Variants in ZNF532 observed in about 807,000 individuals in gnomAD.
ZNF532 encodes the protein zinc finger protein 532.
In ZNF532, 22 loss-of-function variants were observed where a neutral mutation model predicts 89.3. That is an observed-to-expected ratio of 0.25 (90% CI 0.18 to 0.35). The LOEUF (loss-of-function observed/expected upper bound fraction) is 0.35. Ranked by LOEUF, ZNF532 falls within the 10% of genes least tolerant of loss-of-function variation. The pLI, the probability that ZNF532 is intolerant of heterozygous loss-of-function variation, is 1.00. For synonymous variants in ZNF532, 606 were observed against 649.6 expected (o/e 0.93, Z 1.02); for missense variants, 1,132 against 1,643.4 (o/e 0.69, Z 5.38).
At chr18:58,931,122 T>G (rs1603209806) in intron 3 of ZNF532, among the ~76,000 whole-genome samples, 1 of 152,162 alleles carries the variant, frequency 6.6e-6, no homozygotes, top group Admixed American at 6.6e-5. Flanking sequence ...CCGAAAACAT[T>G]TATCCATTTT....
At chr18:58,897,681 G>A (rs188788547) in intron 2 of ZNF532, among the ~76,000 whole-genome samples, 2 of 152,268 alleles carry the variant, frequency 1.3e-5, no homozygotes, top group Admixed American at 6.5e-5. Context: ...GGCTGGGCGC[G>A]GTGGCTCACA....
In ZNF532 at chr18:58,962,187, C is replaced by T. The variant is rs1450597226; in HGVS notation, c.3150+8388C>T. Among the ~76,000 whole-genome samples, 3 of 151,828 alleles carry T rather than the reference C, an allele frequency of 2.0e-5. No individual in the cohort carries two copies. The East Asian group carries it at 5.8e-4, about 29-fold the overall frequency. ...GTTGCGGTGAGCCGAGATTACGCCACTGCGCTCCAGCCTGGATGACAGAGC... is the reference window on the plus strand; with the variant it reads ...GTTGCGGTGAGCCGAGATTACGCCATTGCGCTCCAGCCTGGATGACAGAGC... On this transcript the variant is annotated intron_variant, in intron 7 of 9. Coordinates refer to ENST00000591808, the MANE Select transcript of ZNF532 (RefSeq NM_001375912.1).
chr18:58,899,567 C>G (rs1402484839), intron 2 of ZNF532, among the ~76,000 whole-genome samples: 1 of 152,140 alleles, frequency 6.6e-6, no homozygotes, highest in Non-Finnish European at 1.5e-5. Flanking sequence ...CTCCCGGGTT[C>G]AAGCGATTCT....
At chr18:58,890,091 A>C (rs1236760620) in intron 2 of ZNF532, among the ~76,000 whole-genome samples, 1 of 151,384 alleles carries the variant, frequency 6.6e-6, no homozygotes, top group Non-Finnish European at 1.5e-5. Context: ...AAAAAGAAAA[A>C]AAAAAATTAG....
chr18:58,963,771 G>A (rs1233135091), intron 7 of ZNF532, among the ~76,000 whole-genome samples: 2 of 145,756 alleles, frequency 1.4e-5, no homozygotes, highest in Non-Finnish European at 3.0e-5. Context: ...GCAGTGAGCC[G>A]CAGTCGTGTC....
chr18:58,888,785 A>ATATATAT (rs1568246462), intron 2 of ZNF532, among the ~76,000 whole-genome samples: 1,312 of 42,944 alleles, frequency 0.031, 102 homozygotes, highest in South Asian at 0.044. Flanking sequence ...ATATATATAT[A>ATATATAT]AAATATATAT....
intron 7 of ZNF532, among the ~76,000 whole-genome samples, chr18:58,964,616 T>C (rs1034828704): frequency 6.6e-6 from 1 of 151,458 alleles, no homozygotes; most frequent in Non-Finnish European, 1.5e-5. Context: ...AGACAGAGTC[T>C]CGCTCTGTCG....
At chr18:58,914,417 C>G (rs1357119591) in intron 2 of ZNF532, among the ~76,000 whole-genome samples, 1 of 152,220 alleles carries the variant, frequency 6.6e-6, no homozygotes, top group Non-Finnish European at 1.5e-5. Flanking sequence ...CGTGGTGGCT[C>G]ACATCTGTAA....
intron 2 of ZNF532, among the ~76,000 whole-genome samples, chr18:58,878,275 C>CA (rs2057601293): frequency 8.5e-6 from 1 of 117,468 alleles, no homozygotes; most frequent in African/African-American, 3.7e-5. Flanking sequence ...AAAAACAAAA[C>CA]GAAAAAAAAC....
At chr18:58,944,567 G>A (rs1226054640) in intron 5 of ZNF532, among the ~76,000 whole-genome samples, 4 of 152,104 alleles carry the variant, frequency 2.6e-5, no homozygotes, top group Non-Finnish European at 1.5e-5. Flanking sequence ...AGCACACGGT[G>A]CCCAGTAGAC....
chr18:58,954,606 T>C (rs542140818), intron 7 of ZNF532, among the ~76,000 whole-genome samples: 1 of 152,216 alleles, frequency 6.6e-6, no homozygotes, highest in East Asian at 1.9e-4. Flanking sequence ...AAAAATTGGA[T>C]TGTTTGTCCT....
At chr18:58,983,906 C>T (rs1054912072) in intron 9 of ZNF532, 66 bp from the exon 10 acceptor site, 38 of 1,534,394 alleles carry the variant, frequency 2.5e-5, no homozygotes, top group East Asian at 4.5e-5. Flanking sequence ...GTAAGAGAAC[C>T]GATCATTTAT....
At chr18:58,983,168 G>A (rs750171278) in intron 9 of ZNF532, among the ~76,000 whole-genome samples, 1 of 152,174 alleles carries the variant, frequency 6.6e-6, no homozygotes, top group Non-Finnish European at 1.5e-5. Context: ...GTGTGAAGGT[G>A]CACATGAACA....
intron 2 of ZNF532, among the ~76,000 whole-genome samples, chr18:58,876,189 C>T (rs1261658352): frequency 2.6e-5 from 4 of 152,278 alleles, no homozygotes; most frequent in Admixed American, 2.0e-4. Context: ...CTGCCTCGGC[C>T]TCCCAAAGTG....
chr18:58,903,000 TATTA>T (rs1230129346), intron 2 of ZNF532, among the ~76,000 whole-genome samples: 1 of 152,216 alleles, frequency 6.6e-6, no homozygotes, highest in Non-Finnish European at 1.5e-5. Context: ...TTCTCAAGAA[TATTA>T]ATTTAGTTTT....
chr18:58,934,437 C>T lies in ZNF532; in HGVS notation c.2351C>T (p.Thr784Ile). Residue 784 changes from threonine (T) to isoleucine (I), a missense_variant, in exon 4 of 10, where the codon ACT becomes ATT. Thr to Ile is a moderately conservative substitution (Grantham distance 89). Transcript: ENST00000591808. Reference sequence around the variant, plus strand: ...TTCCCCCTTTGGTTTGTTTAGAAGACTTGCACTATCTGCCAGATGCTGCTT... The same window carrying T: ...TTCCCCCTTTGGTTTGTTTAGAAGATTTGCACTATCTGCCAGATGCTGCTT... ...QQAADTSGQK[T>I]CTICQMLLPN... 6.2e-7 allele frequency: 1 copy of T among 1,613,528 alleles called. No individual in the cohort carries two copies. Among genetic ancestry groups the T allele is most frequent in the Non-Finnish European group, 8.5e-7 (1 of 1,179,632 alleles).
intron 2 of ZNF532, among the ~76,000 whole-genome samples, chr18:58,888,835 T>C (rs1263389270): frequency 1.7e-5 from 1 of 57,710 alleles, no homozygotes; most frequent in African/African-American, 9.4e-5. Context: ...AAATTATATA[T>C]ATAATTTATA....
intron 2 of ZNF532, among the ~76,000 whole-genome samples, chr18:58,890,090 A>G (rs2058776006): frequency 6.6e-6 from 1 of 151,624 alleles, no homozygotes; most frequent in African/African-American, 2.4e-5. Flanking sequence ...AAAAAAGAAA[A>G]AAAAAAATTA....
At chr18:58,912,929 T>A (rs568029370) in intron 2 of ZNF532, among the ~76,000 whole-genome samples, 132 of 152,100 alleles carry the variant, frequency 8.7e-4, no homozygotes, top group East Asian at 1.9e-3. Context: ...ATCAAATTTT[T>A]TAAAAAAACT....
Sources: allele counts gnomAD v4.1 joint callset (sites outside exome capture counted in the v4.1 genomes callset), GRCh38; gene constraint gnomAD v4.1.1; transcripts MANE v1.5; gene names NCBI Gene and HGNC (gene_info 2026-07-23, HGNC 2026-07-21).